The following IQCM variants were observed in gnomAD, a reference collection of about 807,000 sequenced individuals.
The protein encoded by IQCM is IQ motif containing M.
Under a neutral mutation model 57.6 loss-of-function variants are expected in IQCM, and 45 were observed. The observed-to-expected ratio is 0.78, with a 90% CI of 0.62 to 1.00. The LOEUF (loss-of-function observed/expected upper bound fraction) is 1.00. Ranked by LOEUF, IQCM falls within the 50% of genes least tolerant of loss-of-function variation. The pLI is 0.00. For missense variants in IQCM, 468 were observed against 511.6 expected, an observed-to-expected ratio of 0.91 and a Z score of 0.82; for synonymous variants, 148 against 158.9, an observed-to-expected ratio of 0.93 and a Z score of 0.51.
intron 12 of IQCM, among the ~76,000 whole-genome samples, chr4:149,436,102 T>G (rs1735341437): frequency 6.6e-6 from 1 of 152,080 alleles, no homozygotes; most frequent in Non-Finnish European, 1.5e-5. Context: ...CCAACTCACC[T>G]AGAGCAAATT....
intron 2 of IQCM, among the ~76,000 whole-genome samples, chr4:149,776,421 A>G (rs1427691714): frequency 1.3e-5 from 2 of 152,174 alleles, no homozygotes; most frequent in Non-Finnish European, 2.9e-5. Context: ...GCTTGAACTT[A>G]GGTTTTCTAA....
chr4:149,451,134 C>G (rs527517034), intron 12 of IQCM, among the ~76,000 whole-genome samples: 4 of 151,476 alleles, frequency 2.6e-5, no homozygotes, highest in Non-Finnish European at 5.9e-5. Flanking sequence ...ATCTAAAAAT[C>G]AAATAATTGA....
At chr4:149,639,871 T>A (rs920121266) in intron 7 of IQCM, among the ~76,000 whole-genome samples, 1 of 152,150 alleles carries the variant, frequency 6.6e-6, no homozygotes. Flanking sequence ...GGAGGTTGCA[T>A]TGAGCCAGAC....
chr4:149,682,212 A>G lies in IQCM; in HGVS notation c.477-6T>C, dbSNP rs1222332404. The stretch of plus-strand genomic sequence containing the variant: ...GTAATTCCAACATTCTGTTTCTGAA[A>G]CATTAAGTTGGATCTTTAAGTAATT... On this transcript the variant is annotated splice_region_variant and splice_polypyrimidine_tract_variant and intron_variant, in intron 6 of 13. Transcript: ENST00000636793. 1 of 1,183,204 alleles carries G rather than the reference A, an allele frequency of 8.5e-7. No individual in the cohort carries two copies. Among genetic ancestry groups the G allele is most frequent in the East Asian group, 3.2e-5 (1 of 31,340 alleles). The allele number at this position is 1,183,204 out of a possible 1,614,324, so 73.3% of individuals were successfully genotyped here. A position where few individuals can be genotyped will look rare whatever the true frequency, so the allele number is the denominator to read the frequency against.
At chr4:149,710,863 C>A (rs1580086744) in intron 5 of IQCM, 2 of 152,100 alleles carry the variant, frequency 1.3e-5, no homozygotes, top group Middle Eastern at 3.4e-3. Flanking sequence ...TAGCAGTAGT[C>A]CAATATTTCA....
intron 12 of IQCM, among the ~76,000 whole-genome samples, chr4:149,488,472 C>G (rs1386155779): frequency 6.6e-6 from 1 of 152,084 alleles, no homozygotes; most frequent in African/African-American, 2.4e-5. Flanking sequence ...AGTTTATCAT[C>G]ATATAAATTT....
At chr4:149,356,201 T>A (rs1232310440) in intron 13 of IQCM, among the ~76,000 whole-genome samples, 1 of 152,228 alleles carries the variant, frequency 6.6e-6, no homozygotes, top group Admixed American at 6.5e-5. Context: ...GGTTGCCTGT[T>A]CACTCTGATG....
At chr4:149,454,195 C>CACAT (rs1244053232) in intron 12 of IQCM, among the ~76,000 whole-genome samples, 10 of 147,540 alleles carry the variant, frequency 6.8e-5, no homozygotes, top group African/African-American at 1.2e-4. Flanking sequence ...CACACACACA[C>CACAT]ATATAAACAC....
At chr4:149,769,169 C>T (rs1182219530) in intron 2 of IQCM, among the ~76,000 whole-genome samples, 1 of 151,934 alleles carries the variant, frequency 6.6e-6, no homozygotes, top group African/African-American at 2.4e-5. Flanking sequence ...TTCATGCACG[C>T]CAGGTTTTCA....
intron 13 of IQCM, among the ~76,000 whole-genome samples, chr4:149,412,674 C>T (rs1733475042): frequency 6.6e-6 from 1 of 152,136 alleles, no homozygotes; most frequent in Admixed American, 6.6e-5. Context: ...ATGTATAGAT[C>T]TAAATCATAA....
intron 8 of IQCM, among the ~76,000 whole-genome samples, chr4:149,617,303 T>G (rs1481928032): frequency 6.6e-6 from 1 of 152,164 alleles, no homozygotes; most frequent in Non-Finnish European, 1.5e-5. Context: ...AAAAAAGAAC[T>G]TGGTGTTTGA....
intron 2 of IQCM, among the ~76,000 whole-genome samples, chr4:149,760,224 T>C (rs566559827): frequency 7.3e-5 from 11 of 151,696 alleles, no homozygotes; most frequent in African/African-American, 2.2e-4. Context: ...AAATAATAGA[T>C]AATAAGGAAA....
At chr4:149,454,927 T>C (rs1363862573) in intron 12 of IQCM, among the ~76,000 whole-genome samples, 2 of 151,954 alleles carry the variant, frequency 1.3e-5, no homozygotes, top group African/African-American at 4.8e-5. Flanking sequence ...GAAGAAAATG[T>C]TCTAACATTA....
chr4:149,805,341 A>T (rs1773976240), intron 2 of IQCM, among the ~76,000 whole-genome samples: 1 of 152,076 alleles, frequency 6.6e-6, no homozygotes, highest in African/African-American at 2.4e-5. Context: ...CATGTTAAAT[A>T]AAAAATGAGC....
intron 2 of IQCM, among the ~76,000 whole-genome samples, chr4:149,814,836 T>TCATA (rs1439776322): frequency 6.6e-6 from 1 of 151,972 alleles, no homozygotes; most frequent in Admixed American, 6.6e-5. Flanking sequence ...GGAGTATGAA[T>TCATA]CATATACAGT....
intron 13 of IQCM, among the ~76,000 whole-genome samples, chr4:149,397,504 C>T (rs1386574336): frequency 6.6e-6 from 1 of 151,894 alleles, no homozygotes. Context: ...AAAAGTGGCA[C>T]TTCCCCTTCA....
At chr4:149,376,546 G>T (rs1220136657) in intron 13 of IQCM, among the ~76,000 whole-genome samples, 3 of 151,924 alleles carry the variant, frequency 2.0e-5, no homozygotes, top group Non-Finnish European at 4.4e-5. Flanking sequence ...CTGCAATATT[G>T]CCAGGGTTGC....
Position 149,657,300 on chromosome 4 carries a change from A to C in IQCM, c.565+24818T>G, listed in dbSNP as rs372787397. ...TTTTGGGTCTGGCTTGTTTCACTAAATATGATGTCCTTGAGTTTCATTCAT... is the reference window on the plus strand; with the variant it reads ...TTTTGGGTCTGGCTTGTTTCACTAACTATGATGTCCTTGAGTTTCATTCAT... On this transcript the variant is annotated intron_variant, in intron 7 of 13. Coordinates refer to ENST00000636793, the MANE Select transcript of IQCM (RefSeq NM_001363507.2). 3.3e-5 allele frequency among the ~76,000 whole-genome samples: 5 copies of C among 152,284 alleles called. No homozygotes were observed. The East Asian group carries it at 7.7e-4, about 24-fold the overall frequency.
intron 5 of IQCM, among the ~76,000 whole-genome samples, chr4:149,696,543 C>T (rs1000925738): frequency 2.0e-5 from 3 of 152,124 alleles, no homozygotes; most frequent in African/African-American, 7.2e-5. Flanking sequence ...CTTTATTCTC[C>T]AGCCCACATC....
Sources: gnomAD v4.1 joint callset for allele counts (sites outside exome capture counted in the v4.1 genomes callset) on GRCh38, gnomAD v4.1.1 for gene constraint, MANE v1.5 for transcripts, NCBI Gene and HGNC (gene_info 2026-07-23, HGNC 2026-07-21) for gene names.